Variants in STX7 observed in about 807,000 individuals in gnomAD.
The protein encoded by STX7 is syntaxin 7.
A neutral mutation model predicts 39.6 loss-of-function variants in STX7; 34 were observed. The observed-to-expected ratio is 0.86, with a 90% CI of 0.65 to 1.14. STX7 has a LOEUF of 1.14. STX7 is among the 50% of genes most tolerant of loss of function. STX7 has a pLI of 0.00. For synonymous variants in STX7, 119 were observed against 99.1 expected (o/e 1.20, Z -1.19); for missense variants, 284 against 310.4 (o/e 0.92, Z 0.64).
rs796997939 is a variant in STX7 at position 132,452,944 on chromosome 6, G to T, written c.*7814C>A. ...TAAAACAATTTTGAAAAAGAAAGTG[G>T]AATAAACCAGCCTATTTGATTTCAA... On this transcript the variant is annotated 3_prime_UTR_variant, in exon 10 of 10. Transcript: ENST00000367941. The T allele has an allele frequency of 5.5e-4, 83 of 152,158 alleles. No homozygotes were observed. The highest frequency in any genetic ancestry group is 2.0e-3 in the African/African-American group (82 of 41,554). The allele number at this position is 152,158 out of a possible 1,614,324, so 9.4% of individuals were successfully genotyped here. A position where few individuals can be genotyped will look rare whatever the true frequency, so the allele number is the denominator to read the frequency against.
chr6:132,472,702 G>A (rs1774761757), intron 3 of STX7, among the ~76,000 whole-genome samples: 1 of 152,166 alleles, frequency 6.6e-6, no homozygotes, highest in Non-Finnish European at 1.5e-5. Context: ...TTGAGATACT[G>A]GGGATGTGGA....
rs1333740117 is a variant in STX7 at position 132,503,582 on chromosome 6, C to A, written c.-52G>T. The A allele has an allele frequency of 1.4e-6, 2 of 1,398,844 alleles. No individual in the cohort carries two copies. Among genetic ancestry groups the A allele is most frequent in the Non-Finnish European group, 2.0e-6 (2 of 988,322 alleles). The allele number at this position is 1,398,844 out of a possible 1,614,324, so 86.7% of individuals were successfully genotyped here. ...ATCAGATGCTGTGCAGTTTTCTAAG[C>A]AGTCACCTAAATAATATAAAAGTCA... is the stretch of plus-strand genomic sequence containing the variant. On this transcript the variant is annotated 5_prime_UTR_variant, in exon 2 of 10. Coordinates refer to ENST00000367941, the MANE Select transcript of STX7 (RefSeq NM_003569.3).
chr6:132,453,277 A>C lies in STX7; in HGVS notation c.*7481T>G, dbSNP rs1252119551. On this transcript the variant is annotated 3_prime_UTR_variant, in exon 10 of 10. Transcript: ENST00000367941. ...GAAAATGGAATATAGACTTAAAAGT[A>C]AAACGTAAACTATAATACTTTTAGA... The C allele has an allele frequency of 6.6e-6, 1 of 152,192 alleles. No homozygotes were observed. The highest frequency in any genetic ancestry group is 1.5e-5 in the Non-Finnish European group (1 of 68,014). The allele number at this position is 152,192 out of a possible 1,614,324, so 9.4% of individuals were successfully genotyped here.
intron 1 of STX7, among the ~76,000 whole-genome samples, chr6:132,508,080 C>A (rs908580608): frequency 1.4e-4 from 21 of 152,202 alleles, no homozygotes; most frequent in African/African-American, 5.1e-4. Context: ...TAATGCACAT[C>A]CAGAGAACAA....
chr6:132,461,772 A>T, intron 9 of STX7: 1 of 1,464,852 alleles, frequency 6.8e-7, no homozygotes. Context: ...CGAATGGTTA[A>T]GAATTTTGTT....
In STX7 at chr6:132,468,462, T is replaced by C; in HGVS notation, c.551A>G (p.Asp184Gly). 6.2e-7 allele frequency: 1 copy of C among 1,602,618 alleles called. No homozygotes were observed. Among genetic ancestry groups the C allele is most frequent in the Non-Finnish European group, 8.5e-7 (1 of 1,171,922 alleles). The change falls in exon 8 of 10, where the codon GAT becomes GGT. Residue 184 changes from aspartate (D) to glycine (G), a missense_variant. Asp to Gly is a moderately conservative substitution (Grantham distance 94). Coordinates refer to ENST00000367941, the MANE Select transcript of STX7 (RefSeq NM_003569.3). ...CAAATCTTTAAATATTTCATTAATA[T>C]CCATAATATCAGCCTAAGAGAAAAC... Reference protein sequence around the residue: ...SIRQLEADIMDINEIFKDLGM... With the variant: ...SIRQLEADIMGINEIFKDLGM...
intron 2 of STX7, among the ~76,000 whole-genome samples, chr6:132,493,376 A>G (rs1775343268): frequency 6.6e-6 from 1 of 152,154 alleles, no homozygotes; most frequent in Admixed American, 6.5e-5. Flanking sequence ...CACATCTTGA[A>G]TTGTAGCTCC....
rs374361407 is a variant in STX7 at position 132,479,783 on chromosome 6, TG to T, written c.86-4122del. Among the ~76,000 whole-genome samples the T allele has an allele frequency of 2.8e-4, 42 of 152,360 alleles. No homozygotes were observed. The East Asian group carries it at 6.2e-3, about 22-fold the overall frequency. On this transcript the variant is annotated intron_variant, in intron 2 of 9. Coordinates refer to ENST00000367941, the MANE Select transcript of STX7 (RefSeq NM_003569.3). ...ATTAAATCATTTTTGTTTGATTTTTTGTATTAATTTTTTCATTCATCCTTTG... is the reference window on the plus strand; with the variant it reads ...ATTAAATCATTTTTGTTTGATTTTTTTATTAATTTTTTCATTCATCCTTTG...
intron 1 of STX7, among the ~76,000 whole-genome samples, chr6:132,509,624 C>T (rs1178183079): frequency 2.5e-4 from 38 of 152,160 alleles, no homozygotes; most frequent in Admixed American, 2.5e-3. Context: ...GGGATAACTA[C>T]ATGAGTTGAT....
chr6:132,501,113 T>C (rs7356873), intron 2 of STX7, among the ~76,000 whole-genome samples: 3,312 of 151,588 alleles, frequency 0.022, 108 homozygotes, highest in African/African-American at 0.074. Context: ...AGGCTGGAGT[T>C]CAATGGCGTG....
At chr6:132,497,098 C>T (rs2114457464) in intron 2 of STX7, among the ~76,000 whole-genome samples, 1 of 152,244 alleles carries the variant, frequency 6.6e-6, no homozygotes, top group Non-Finnish European at 1.5e-5. Flanking sequence ...CCTTCACATA[C>T]ATGCACCAAA....
At chr6:132,509,706 C>G (rs577536029) in intron 1 of STX7, among the ~76,000 whole-genome samples, 2 of 152,132 alleles carry the variant, frequency 1.3e-5, no homozygotes, top group South Asian at 4.1e-4. Flanking sequence ...TAAAAGGCAA[C>G]AACAGTTGGC....
chr6:132,482,284 G>C (rs1471749746), intron 2 of STX7, among the ~76,000 whole-genome samples: 1 of 152,140 alleles, frequency 6.6e-6, no homozygotes, highest in Non-Finnish European at 1.5e-5. Flanking sequence ...TTCTGAACGT[G>C]AACATTAATT....
At chr6:132,505,154 A>G (rs1252700885) in intron 1 of STX7, among the ~76,000 whole-genome samples, 1 of 152,244 alleles carries the variant, frequency 6.6e-6, no homozygotes, top group Admixed American at 6.5e-5. Flanking sequence ...ATGAGCAAAC[A>G]GCGGGCTTAT....
At chr6:132,471,380 A>C in intron 5 of STX7, 83 bp downstream of exon 5, 2 of 1,437,930 alleles carry the variant, frequency 1.4e-6, no homozygotes, top group Middle Eastern at 5.0e-4. Flanking sequence ...TTTATGACTT[A>C]AAAAATTATG....
intron 3 of STX7, among the ~76,000 whole-genome samples, chr6:132,474,104 T>C (rs774341389): frequency 1.3e-5 from 2 of 151,662 alleles, no homozygotes; most frequent in Non-Finnish European, 2.9e-5. Flanking sequence ...TGGATGTGCC[T>C]GTATTCCCAG....
chr6:132,471,801 G>T (rs138161500), intron 4 of STX7, among the ~76,000 whole-genome samples: 1 of 152,242 alleles, frequency 6.6e-6, no homozygotes, highest in Non-Finnish European at 1.5e-5. Flanking sequence ...CATTATGCTG[G>T]ATTTCTCACC....
chr6:132,503,775 CAG>C (rs1027165021), intron 1 of STX7, among the ~76,000 whole-genome samples, 187 bp from the exon 2 acceptor site: 11 of 151,344 alleles, frequency 7.3e-5, no homozygotes, highest in African/African-American at 2.7e-4. Context: ...CTTCAAAGGA[CAG>C]AGTCATGTTA....
At position 132,446,289 on chromosome 6, in the gene STX7, G is replaced by A. The variant is rs879508910; in HGVS notation, c.*14469C>T. ...TCATCTTCTCGAGGCCAAGTACTTGGTCTGAACACAGAGTCACTTGTGTTT... is the reference window on the plus strand; with the variant it reads ...TCATCTTCTCGAGGCCAAGTACTTGATCTGAACACAGAGTCACTTGTGTTT... On this transcript the variant is annotated 3_prime_UTR_variant, in exon 10 of 10. Coordinates refer to ENST00000367941, the MANE Select transcript of STX7 (RefSeq NM_003569.3). 6 of 152,132 alleles carry A rather than the reference G, an allele frequency of 3.9e-5. No individual in the cohort carries two copies. The highest frequency in any genetic ancestry group is 2.6e-4 in the Admixed American group (4 of 15,260). The allele number at this position is 152,132 out of a possible 1,614,324, so 9.4% of individuals were successfully genotyped here.
Sources: gnomAD v4.1 joint callset for allele counts (sites outside exome capture counted in the v4.1 genomes callset) on GRCh38, gnomAD v4.1.1 for gene constraint, MANE v1.5 for transcripts, NCBI Gene and HGNC (gene_info 2026-07-23, HGNC 2026-07-21) for gene names.